The following LPIN2 variants were observed in gnomAD, a reference collection of about 807,000 sequenced individuals.
The protein encoded by LPIN2 is lipin 2.
A neutral mutation model predicts 111.4 loss-of-function variants in LPIN2; 55 were observed. The observed-to-expected ratio is 0.49, with a 90% CI of 0.40 to 0.62. The LOEUF (loss-of-function observed/expected upper bound fraction) is 0.62, where lower values mean the gene tolerates loss of function less well. Ranked by LOEUF, LPIN2 falls within the 20% of genes least tolerant of loss-of-function variation. The pLI is 0.00. For missense variants in LPIN2, 992 were observed against 1,112.1 expected (o/e 0.89, Z 1.54); for synonymous variants, 425 against 414.0 (o/e 1.03, Z -0.32).
At chr18:2,989,719 G>A (rs979414069) in intron 1 of LPIN2, among the ~76,000 whole-genome samples, 7 of 152,022 alleles carry the variant, frequency 4.6e-5, no homozygotes, top group Non-Finnish European at 7.3e-5. Flanking sequence ...TCAGGAGTTC[G>A]AGACCAGCTT....
rs576129966 is a variant in LPIN2, at chr18:2,926,503, G to A, written c.1793+220C>T. On this transcript the variant is annotated intron_variant, in intron 13 of 19. Transcript: ENST00000677752. ...TCACGGCCCCTTCCCATACGCTGGC[G>A]CCACGGCTCCACAAGGAGGCAGGGT... 5.9e-5 allele frequency among the ~76,000 whole-genome samples: 9 copies of A among 152,264 alleles called. 1 individual carries two copies. Among genetic ancestry groups the A allele is most frequent in the South Asian group, 4.2e-4 (2 of 4,812 alleles).
intron 1 of LPIN2, among the ~76,000 whole-genome samples, chr18:3,004,823 A>G (rs2078487670): frequency 6.6e-6 from 1 of 152,128 alleles, no homozygotes; most frequent in Non-Finnish European, 1.5e-5. Flanking sequence ...CAGCCCAGCG[A>G]TATGCTCATG....
intron 16 of LPIN2, among the ~76,000 whole-genome samples, chr18:2,923,259 A>T (rs1308818109): frequency 6.6e-6 from 1 of 152,000 alleles, no homozygotes; most frequent in Non-Finnish European, 1.5e-5. Flanking sequence ...CATCTGTACT[A>T]AAAATACAAA....
chr18:2,994,584 T>TC (rs2078313337), intron 1 of LPIN2, among the ~76,000 whole-genome samples: 1 of 152,230 alleles, frequency 6.6e-6, no homozygotes, highest in Admixed American at 6.5e-5. Context: ...GGGATATCCA[T>TC]CCCCTCGAAC....
intron 4 of LPIN2, among the ~76,000 whole-genome samples, chr18:2,949,312 T>C (rs1298246935): frequency 6.6e-6 from 1 of 152,182 alleles, no homozygotes; most frequent in Non-Finnish European, 1.5e-5. Context: ...AAAGTAGAGT[T>C]CAGAACATTT....
rs145121441 is a variant in LPIN2, at chr18:2,952,902, G to A, written c.289-1546C>T. ...CAGAGTTAGGTTTAGAACTAGACTT[G>A]AAAAGAATGTTGATGACATATAATT... On this transcript the variant is annotated intron_variant, in intron 3 of 19. Coordinates refer to ENST00000677752, the MANE Select transcript of LPIN2 (RefSeq NM_001375808.2). Among the ~76,000 whole-genome samples the A allele has an allele frequency of 8.8e-3, 1,342 of 152,222 alleles. 6 individuals are homozygous for A. Among genetic ancestry groups the A allele is most frequent in the Non-Finnish European group, 0.012 (820 of 68,004 alleles).
intron 1 of LPIN2, among the ~76,000 whole-genome samples, chr18:2,972,615 T>A (rs982914927): frequency 2.0e-5 from 3 of 152,178 alleles, no homozygotes; most frequent in Non-Finnish European, 4.4e-5. Context: ...AAAACTAGTG[T>A]TCAATTTTAT....
rs188764942 is a variant in LPIN2 at position 2,991,497 on chromosome 18, G to C, written c.-10+21590C>G. On this transcript the variant is annotated intron_variant, in intron 1 of 19. Coordinates refer to ENST00000677752, the MANE Select transcript of LPIN2 (RefSeq NM_001375808.2). ...GGACTAAGGTGGGAGGATCATGTGA[G>C]CCCAGGAGTTAGAGACCAGTGTAGG... Among the ~76,000 whole-genome samples, 103 of 152,234 alleles carry C rather than the reference G, an allele frequency of 6.8e-4. 1 individual carries two copies. The highest frequency in any genetic ancestry group is 2.2e-3 in the African/African-American group (91 of 41,538).
At chr18:2,947,494 T>G (rs565541391) in intron 4 of LPIN2, among the ~76,000 whole-genome samples, 2 of 152,302 alleles carry the variant, frequency 1.3e-5, no homozygotes, top group South Asian at 4.1e-4. Flanking sequence ...AGTTTAAAGC[T>G]CTCCGATTTC....
intron 1 of LPIN2, among the ~76,000 whole-genome samples, chr18:2,988,259 T>C (rs770365309): frequency 1.4e-4 from 21 of 152,158 alleles, no homozygotes; most frequent in Non-Finnish European, 2.4e-4. Context: ...TCCATATTCT[T>C]GAATGCAGGC....
intron 1 of LPIN2, among the ~76,000 whole-genome samples, chr18:2,967,951 T>C (rs1019681862): frequency 3.3e-5 from 5 of 152,130 alleles, no homozygotes; most frequent in African/African-American, 1.2e-4. Flanking sequence ...ACAAAACAGA[T>C]GGTTCATTAA....
At chr18:2,982,139 T>A (rs938584135) in intron 1 of LPIN2, among the ~76,000 whole-genome samples, 46 of 152,212 alleles carry the variant, frequency 3.0e-4, no homozygotes, top group African/African-American at 1.1e-3. Flanking sequence ...ATTTATATTT[T>A]CCCCACATAC....
Position 2,918,660 on chromosome 18 carries a change from T to C in LPIN2, c.*1633A>G, listed in dbSNP as rs915250671. The stretch of plus-strand genomic sequence containing the variant: ...TGGGAACATGAGCCTTCCTAGGTTT[T>C]GCCACTGAGAACTGTGTTTAGGGGA... On this transcript the variant is annotated 3_prime_UTR_variant, in exon 20 of 20. Coordinates refer to ENST00000677752, the MANE Select transcript of LPIN2 (RefSeq NM_001375808.2). 2 of 152,196 alleles carry C rather than the reference T, an allele frequency of 1.3e-5. No individual in the cohort carries two copies. The highest frequency in any genetic ancestry group is 4.8e-5 in the African/African-American group (2 of 41,450). 9.4% of individuals were successfully genotyped at this position (152,196 alleles called of 1,614,324 possible).
At chr18:2,927,175 C>T (rs931626717) in intron 12 of LPIN2, among the ~76,000 whole-genome samples, 1 of 152,184 alleles carries the variant, frequency 6.6e-6, no homozygotes, top group Non-Finnish European at 1.5e-5. Flanking sequence ...TGGACATGAA[C>T]TTGGTTCAGG....
intron 1 of LPIN2, among the ~76,000 whole-genome samples, chr18:2,997,547 T>C (rs901892541): frequency 6.6e-6 from 1 of 152,214 alleles, no homozygotes; most frequent in African/African-American, 2.4e-5. Context: ...CTCTGCAGTG[T>C]GCCACAATGA....
At chr18:3,012,596 G>C (rs143246464) in intron 1 of LPIN2, among the ~76,000 whole-genome samples, 4,049 of 152,290 alleles carry the variant, frequency 0.027, 189 homozygotes, top group African/African-American at 0.093. Flanking sequence ...CCAGCAACTC[G>C]GCGGCCCCCG....
intron 8 of LPIN2, 84 bp downstream of exon 8, chr18:2,934,267 C>A: frequency 9.5e-7 from 1 of 1,053,490 alleles, no homozygotes; most frequent in Non-Finnish European, 1.4e-6. Flanking sequence ...TCATCTTGTT[C>A]CTTTTTCCTG....
intron 1 of LPIN2, among the ~76,000 whole-genome samples, chr18:2,975,897 C>G (rs1443716821): frequency 6.6e-6 from 1 of 152,130 alleles, no homozygotes; most frequent in Non-Finnish European, 1.5e-5. Context: ...TGGTGGGATA[C>G]AATTTTTTTG....
intron 1 of LPIN2, among the ~76,000 whole-genome samples, chr18:2,962,817 C>T (rs1480353494): frequency 6.7e-6 from 1 of 149,604 alleles, no homozygotes. Context: ...AATTTTATTA[C>T]AAGAAAAAAA....
Sources: gnomAD v4.1 joint callset for allele counts (sites outside exome capture counted in the v4.1 genomes callset) on GRCh38, gnomAD v4.1.1 for gene constraint, MANE v1.5 for transcripts, NCBI Gene and HGNC (gene_info 2026-07-23, HGNC 2026-07-21) for gene names.